Variants in ERC2 observed in about 807,000 individuals in gnomAD.
ERC2 encodes the protein ELKS/RAB6-interacting/CAST family member 2.
In ERC2, 42 loss-of-function variants were observed where a neutral mutation model predicts 114.8. The ratio of observed to expected loss-of-function variants is 0.37; its 90% CI spans 0.29 to 0.47. The LOEUF (loss-of-function observed/expected upper bound fraction) is 0.47, where lower values mean the gene tolerates loss of function less well. Ranked by LOEUF, ERC2 falls within the 20% of genes least tolerant of loss-of-function variation. The probability of loss-of-function intolerance (pLI) is 0.99; values close to 1 mark genes in which losing one functional copy is unlikely to be tolerated. For missense variants in ERC2, 939 were observed against 1,150.7 expected (o/e 0.82, Z 2.66); for synonymous variants, 454 against 425.5 (o/e 1.07, Z -0.82).
chr3:55,576,448 T>A (rs2056985450), intron 17 of ERC2, among the ~76,000 whole-genome samples: 1 of 152,220 alleles, frequency 6.6e-6, no homozygotes. Context: ...GATGTTATTT[T>A]ACAGATGAGG....
intron 6 of ERC2, among the ~76,000 whole-genome samples, chr3:56,132,229 A>G (rs2080245516): frequency 6.6e-6 from 1 of 152,192 alleles, no homozygotes; most frequent in Non-Finnish European, 1.5e-5. Context: ...CTTTACCAAG[A>G]ACTGGGGGAC....
intron 17 of ERC2, among the ~76,000 whole-genome samples, chr3:55,647,542 A>G (rs1056498358): frequency 1.3e-5 from 2 of 152,198 alleles, no homozygotes; most frequent in Non-Finnish European, 2.9e-5. Context: ...TGTGTTCTGC[A>G]GGGATACAAG....
chr3:55,569,020 C>T (rs2056544724), intron 17 of ERC2, among the ~76,000 whole-genome samples: 1 of 152,158 alleles, frequency 6.6e-6, no homozygotes, highest in African/African-American at 2.4e-5. Flanking sequence ...CCCTCACCTT[C>T]TTCAGGCCTT....
At chr3:56,133,379 G>A (rs1049727277) in intron 6 of ERC2, among the ~76,000 whole-genome samples, 23 of 152,160 alleles carry the variant, frequency 1.5e-4, no homozygotes, top group African/African-American at 5.5e-4. Context: ...GGAGGTTGCA[G>A]TGAGCCGAGA....
At chr3:56,339,232 T>C (rs1357911787) in intron 2 of ERC2, among the ~76,000 whole-genome samples, 1 of 152,070 alleles carries the variant, frequency 6.6e-6, no homozygotes, top group Non-Finnish European at 1.5e-5. Context: ...CATATGGGAG[T>C]GCGCCATCAT....
At chr3:55,751,329 G>A (rs762942560) in intron 14 of ERC2, among the ~76,000 whole-genome samples, 4 of 152,146 alleles carry the variant, frequency 2.6e-5, no homozygotes, top group African/African-American at 7.2e-5. Flanking sequence ...CATCAGACAA[G>A]AGCTCGAGCT....
chr3:56,449,863 C>A (rs1194053041), intron 1 of ERC2, among the ~76,000 whole-genome samples: 1 of 152,216 alleles, frequency 6.6e-6, no homozygotes, highest in Non-Finnish European at 1.5e-5. Flanking sequence ...GGCTTTCAGC[C>A]TCAAAGTTGC....
intron 3 of ERC2, among the ~76,000 whole-genome samples, chr3:56,237,972 G>T (rs116576191): frequency 0.015 from 2,171 of 149,664 alleles, 55 homozygotes; most frequent in African/African-American, 0.05. Flanking sequence ...AGTTTCTAAA[G>T]AAGATATTGT....
chr3:56,177,973 A>G (rs922848939), intron 3 of ERC2, among the ~76,000 whole-genome samples: 5 of 152,118 alleles, frequency 3.3e-5, no homozygotes, highest in Non-Finnish European at 7.3e-5. Flanking sequence ...GTGACATCAA[A>G]CCCCACATTA....
intron 6 of ERC2, among the ~76,000 whole-genome samples, chr3:56,133,809 G>A (rs1008898369): frequency 9.9e-5 from 15 of 152,112 alleles, no homozygotes; most frequent in African/African-American, 2.4e-4. Context: ...TTGAAATTAC[G>A]GATCCCCACC....
chr3:56,410,222 C>G (rs1440602630), intron 2 of ERC2, among the ~76,000 whole-genome samples: 1 of 152,156 alleles, frequency 6.6e-6, no homozygotes, highest in African/African-American at 2.4e-5. Context: ...AGAGAGCAAA[C>G]TGATCTTAAT....
chr3:55,902,574 T>G (rs2064197637), intron 13 of ERC2, among the ~76,000 whole-genome samples: 1 of 152,190 alleles, frequency 6.6e-6, no homozygotes, highest in Non-Finnish European at 1.5e-5. Flanking sequence ...ATTTTAAAGC[T>G]AAATAGAGGG....
intron 4 of ERC2, among the ~76,000 whole-genome samples, chr3:56,163,388 G>A (rs2082156253): frequency 6.6e-6 from 1 of 152,060 alleles, no homozygotes; most frequent in East Asian, 1.9e-4. Flanking sequence ...GGTCCAATTG[G>A]TCAAGTGTTG....
chr3:56,123,146 A>C (rs999255655), intron 6 of ERC2, among the ~76,000 whole-genome samples: 3 of 152,048 alleles, frequency 2.0e-5, no homozygotes, highest in African/African-American at 7.2e-5. Flanking sequence ...ACATCCTGAC[A>C]TCTGCTATAG....
intron 8 of ERC2, 145 bp from the exon 9 acceptor site, chr3:56,010,734 G>A (rs1255847711): frequency 6.5e-6 from 6 of 929,754 alleles, no homozygotes; most frequent in Non-Finnish European, 9.5e-6. Context: ...TTGGATTCGT[G>A]GGGAGGCTGT....
chr3:55,752,926 C>T (rs1233367625), intron 14 of ERC2, among the ~76,000 whole-genome samples: 5 of 152,158 alleles, frequency 3.3e-5, no homozygotes, highest in East Asian at 1.9e-4. Context: ...ACAATGCTGC[C>T]GTCAGTAAGA....
chr3:56,334,799 ATTTGTTTGTTTG>A (rs138266284), intron 2 of ERC2, among the ~76,000 whole-genome samples: 1 of 151,896 alleles, frequency 6.6e-6, no homozygotes, highest in African/African-American at 2.4e-5. Context: ...AAATCTATTT[ATTTGTTTGTTTG>A]TTTGTTTGTT....
At chr3:56,463,695 T>C (rs2063418002) in intron 1 of ERC2, among the ~76,000 whole-genome samples, 1 of 152,240 alleles carries the variant, frequency 6.6e-6, no homozygotes, top group African/African-American at 2.4e-5. Flanking sequence ...TTCACCTTTC[T>C]TACTCTCTGG....
intron 3 of ERC2, among the ~76,000 whole-genome samples, chr3:56,290,178 C>A (rs1430166568): frequency 6.6e-6 from 1 of 152,222 alleles, no homozygotes; most frequent in Admixed American, 6.5e-5. Flanking sequence ...TTCTTCTCTA[C>A]TCCAAACATA....
Sources: gnomAD v4.1 joint callset for allele counts (sites outside exome capture counted in the v4.1 genomes callset) on GRCh38, gnomAD v4.1.1 for gene constraint, MANE v1.5 for transcripts, NCBI Gene and HGNC (gene_info 2026-07-23, HGNC 2026-07-21) for gene names.